KLHL1: variants seen among roughly 807,000 people sequenced by gnomAD.
KLHL1 encodes kelch-like protein 1.
Under a neutral mutation model 77.7 loss-of-function variants are expected in KLHL1, and 47 were observed. That is an observed-to-expected ratio of 0.60 (90% CI 0.48 to 0.77). KLHL1 has a LOEUF of 0.77. Ranked by LOEUF, KLHL1 falls within the 30% of genes least tolerant of loss-of-function variation. KLHL1 has a pLI of 0.00. For missense variants in KLHL1, 925 were observed against 910.8 expected (o/e 1.02, Z -0.20); for synonymous variants, 360 against 325.2 (o/e 1.11, Z -1.15).
chr13:69,781,769 C>T (rs1036999906), intron 7 of KLHL1, among the ~76,000 whole-genome samples: 2 of 152,094 alleles, frequency 1.3e-5, no homozygotes, highest in African/African-American at 4.8e-5. Context: ...TTTAGAAGCT[C>T]TGTGTTGTAC....
rs1267748676 is a variant in KLHL1 at position 70,075,664 on chromosome 13, T to G, written c.497+31539A>C. Among the ~76,000 whole-genome samples, 23 of 143,088 alleles carry G rather than the reference T, an allele frequency of 1.6e-4. No individual in the cohort carries two copies. In the Admixed American group the frequency reaches 1.6e-3, roughly 10 times the overall value. 93.9% of individuals were successfully genotyped at this position (143,088 alleles called of 152,430 possible). On this transcript the variant is annotated intron_variant, in intron 1 of 10. Transcript: ENST00000377844. ...TAGGACTTTTATATATATACCTATG[T>G]GTGTGTGTATATATATATACACACA...
intron 7 of KLHL1, among the ~76,000 whole-genome samples, chr13:69,764,560 C>G (rs149917339): frequency 1.2e-3 from 176 of 152,152 alleles, no homozygotes; most frequent in African/African-American, 4.0e-3. Flanking sequence ...AGAAAAAATA[C>G]TTTGCATCGC....
intron 6 of KLHL1, among the ~76,000 whole-genome samples, chr13:69,801,136 T>C (rs761567696): frequency 3.3e-5 from 5 of 152,150 alleles, no homozygotes; most frequent in African/African-American, 2.4e-5. Context: ...CATACATTTA[T>C]TTAAAATATA....
chr13:70,024,686 C>A (rs1426475862), intron 1 of KLHL1, among the ~76,000 whole-genome samples: 1 of 147,908 alleles, frequency 6.8e-6, no homozygotes, highest in Non-Finnish European at 1.5e-5. Context: ...CTTTTTCTTT[C>A]TTTATTTCTC....
intron 10 of KLHL1, among the ~76,000 whole-genome samples, chr13:69,705,316 T>C (rs577704050): frequency 2.0e-5 from 3 of 151,810 alleles, no homozygotes; most frequent in East Asian, 1.9e-4. Context: ...TCTATACATA[T>C]GGTGTGTGTA....
chr13:69,723,779 TATC>T (rs1873170152), intron 8 of KLHL1, among the ~76,000 whole-genome samples: 1 of 152,020 alleles, frequency 6.6e-6, no homozygotes, highest in Non-Finnish European at 1.5e-5. Flanking sequence ...CACAACCCCT[TATC>T]ATAACCCAGA....
chr13:69,711,622 A>G (rs1306418999), intron 9 of KLHL1, among the ~76,000 whole-genome samples: 2 of 152,186 alleles, frequency 1.3e-5, no homozygotes, highest in African/African-American at 4.8e-5. Flanking sequence ...ATTAATTTCA[A>G]TACAAATTAT....
intron 1 of KLHL1, among the ~76,000 whole-genome samples, chr13:69,993,958 G>T (rs143899199): frequency 6.6e-6 from 1 of 151,920 alleles, no homozygotes; most frequent in African/African-American, 2.4e-5. Context: ...AGCTGATAAA[G>T]GACAAAGATT....
At chr13:69,882,064 T>A (rs17085587) in intron 5 of KLHL1, among the ~76,000 whole-genome samples, 8,717 of 152,168 alleles carry the variant, frequency 0.057, 633 homozygotes, top group African/African-American at 0.17. Context: ...TATCATAATC[T>A]TACAAGTGGC....
At chr13:69,740,601 T>C (rs1873949733) in intron 7 of KLHL1, 45 bp from the exon 8 acceptor site, 1 of 1,402,372 alleles carries the variant, frequency 7.1e-7, no homozygotes, top group East Asian at 2.3e-5. Flanking sequence ...GTTAATATCA[T>C]ATTGTACATT....
At chr13:69,878,697 CAT>C (rs200660318) in intron 5 of KLHL1, among the ~76,000 whole-genome samples, 230 of 148,866 alleles carry the variant, frequency 1.5e-3, no homozygotes, top group South Asian at 2.8e-3. Context: ...TGTGTGTATG[CAT>C]ATATATATAT....
intron 5 of KLHL1, among the ~76,000 whole-genome samples, chr13:69,839,794 G>A (rs889267622): frequency 6.6e-6 from 1 of 151,920 alleles, no homozygotes; most frequent in Non-Finnish European, 1.5e-5. Context: ...AAAGTATATT[G>A]TGTCTATTTT....
intron 5 of KLHL1, among the ~76,000 whole-genome samples, chr13:69,867,928 AC>A (rs2138167364): frequency 6.6e-6 from 1 of 152,102 alleles, no homozygotes; most frequent in East Asian, 1.9e-4. Context: ...GGTGCAGCAC[AC>A]CAACATGAAA....
Position 69,949,112 on chromosome 13 carries a change from C to T in KLHL1, c.818-8876G>A, listed in dbSNP as rs955409866. Among the ~76,000 whole-genome samples, 8 of 152,000 alleles carry T rather than the reference C, an allele frequency of 5.3e-5. No homozygotes were observed. The East Asian group carries it at 1.5e-3, about 29-fold the overall frequency. ...TGTTTCCCCCATTATTAACATCTTA[C>T]ATTCGTATGATATACGTGTTATATT... On this transcript the variant is annotated intron_variant, in intron 3 of 10. Transcript: ENST00000377844.
chr13:69,859,258 C>CTTT (rs34612932), intron 5 of KLHL1, among the ~76,000 whole-genome samples: 3 of 143,512 alleles, frequency 2.1e-5, no homozygotes, highest in Non-Finnish European at 3.0e-5. Context: ...CCATTTTGCA[C>CTTT]TTTTTTTTTT....
intron 5 of KLHL1, among the ~76,000 whole-genome samples, chr13:69,849,466 G>A (rs1219900369): frequency 6.6e-6 from 1 of 151,162 alleles, no homozygotes; most frequent in East Asian, 1.9e-4. Flanking sequence ...GTATTCTTAA[G>A]CCAAGCACAT....
intron 7 of KLHL1, among the ~76,000 whole-genome samples, chr13:69,750,360 T>C (rs1874417412): frequency 6.6e-6 from 1 of 151,736 alleles, no homozygotes; most frequent in South Asian, 2.1e-4. Flanking sequence ...TAAGTAATAG[T>C]TCATAGAATT....
intron 5 of KLHL1, among the ~76,000 whole-genome samples, chr13:69,841,441 A>C: frequency 6.7e-6 from 1 of 149,716 alleles, no homozygotes; most frequent in East Asian, 1.9e-4. Flanking sequence ...GAGAAAAAAA[A>C]ACAAGTAGTC....
intron 1 of KLHL1, among the ~76,000 whole-genome samples, chr13:70,063,938 C>T (rs561929118): frequency 2.5e-4 from 38 of 152,096 alleles, no homozygotes; most frequent in African/African-American, 8.7e-4. Flanking sequence ...CATTTTTAAA[C>T]TCTGCAGGGC....
Sources: gnomAD v4.1 joint callset for allele counts (sites outside exome capture counted in the v4.1 genomes callset) on GRCh38, gnomAD v4.1.1 for gene constraint, MANE v1.5 for transcripts, NCBI Gene and HGNC (gene_info 2026-07-23, HGNC 2026-07-21) for gene names.